Variants in ARID4B observed in about 807,000 individuals in gnomAD.
ARID4B encodes AT-rich interaction domain 4B.
A neutral mutation model predicts 147.5 loss-of-function variants in ARID4B; 26 were observed. That is an observed-to-expected ratio of 0.18 (90% CI 0.13 to 0.24). The LOEUF (loss-of-function observed/expected upper bound fraction) is 0.24, where lower values mean the gene tolerates loss of function less well. Among genes scored for constraint, ARID4B ranks in the 10% least tolerant of loss-of-function variants. ARID4B has a pLI of 1.00. For synonymous variants in ARID4B, 512 were observed against 507.9 expected (o/e 1.01, Z -0.11); for missense variants, 1,179 against 1,511.5 (o/e 0.78, Z 3.65).
At chr1:235,291,673 T>C (rs540446996) in intron 2 of ARID4B, among the ~76,000 whole-genome samples, 30 of 151,576 alleles carry the variant, frequency 2.0e-4, no homozygotes, top group Admixed American at 2.6e-4. Context: ...CCGTCTCTAC[T>C]AAAAAATACA....
intron 6 of ARID4B, among the ~76,000 whole-genome samples, chr1:235,250,580 C>T (rs1052048776): frequency 2.0e-5 from 3 of 152,266 alleles, no homozygotes; most frequent in Middle Eastern, 6.8e-3. Flanking sequence ...GCTTTTTCTC[C>T]TCCAACAGGG....
intron 2 of ARID4B, 68 bp from the exon 3 acceptor site, chr1:235,260,820 T>C (rs1670247148): frequency 2.8e-6 from 3 of 1,074,764 alleles, no homozygotes; most frequent in Middle Eastern, 2.0e-4. Flanking sequence ...GACCTCAGAA[T>C]AGTGAGCCTA....
chr1:235,229,956 C>T (rs1400815004), intron 10 of ARID4B, among the ~76,000 whole-genome samples: 1 of 152,160 alleles, frequency 6.6e-6, no homozygotes, highest in Non-Finnish European at 1.5e-5. Flanking sequence ...AACCAATCTA[C>T]ATAGCATATT....
intron 2 of ARID4B, among the ~76,000 whole-genome samples, chr1:235,290,834 C>T (rs1469169101): frequency 1.3e-5 from 2 of 152,202 alleles, no homozygotes; most frequent in Non-Finnish European, 1.5e-5. Context: ...TGGAGGCTTA[C>T]GCCTGTAATC....
chr1:235,175,447 T>C, intron 21 of ARID4B, 48 bp from the exon 22 acceptor site: 1 of 1,480,524 alleles, frequency 6.8e-7, no homozygotes, highest in Non-Finnish European at 9.4e-7. Flanking sequence ...AACAATAAAT[T>C]TGTCACAGAT....
chr1:235,260,526 T>TA, intron 3 of ARID4B, 116 bp downstream of exon 3: 1 of 644,474 alleles, frequency 1.6e-6, no homozygotes. Flanking sequence ...GAGGTATTTT[T>TA]ACAACCTTCA....
intron 2 of ARID4B, among the ~76,000 whole-genome samples, chr1:235,301,873 C>G (rs1572192926): frequency 1.3e-5 from 2 of 152,020 alleles, no homozygotes; most frequent in Middle Eastern, 3.4e-3. Context: ...TGCTACCACA[C>G]CCAGCTAATT....
chr1:235,215,102 C>T (rs1423410087), intron 16 of ARID4B, among the ~76,000 whole-genome samples: 3 of 152,060 alleles, frequency 2.0e-5, no homozygotes, highest in Non-Finnish European at 4.4e-5. Context: ...ACCGTGGCCT[C>T]CCAAAGTGCT....
chr1:235,198,886 G>A (rs911016233), intron 17 of ARID4B, among the ~76,000 whole-genome samples: 2 of 152,174 alleles, frequency 1.3e-5, no homozygotes, highest in Admixed American at 1.3e-4. Flanking sequence ...GATCACCTGA[G>A]GTCAGGAGTT....
chr1:235,199,330 T>C (rs939811272), intron 17 of ARID4B, among the ~76,000 whole-genome samples: 5 of 152,336 alleles, frequency 3.3e-5, no homozygotes, highest in Middle Eastern at 3.4e-3. Flanking sequence ...ATTTGTTTAA[T>C]TCAGGCCCTT....
At chr1:235,266,017 T>C (rs1173259970) in intron 2 of ARID4B, among the ~76,000 whole-genome samples, 1 of 152,204 alleles carries the variant, frequency 6.6e-6, no homozygotes, top group East Asian at 1.9e-4. Context: ...ATAGAGCAGA[T>C]GCCAATGTAA....
At chr1:235,169,218 T>C (rs1424752392) in intron 23 of ARID4B, among the ~76,000 whole-genome samples, 1 of 151,982 alleles carries the variant, frequency 6.6e-6, no homozygotes, top group Non-Finnish European at 1.5e-5. Flanking sequence ...TCTCTCACTG[T>C]TTCCTTTTTT....
intron 9 of ARID4B, among the ~76,000 whole-genome samples, chr1:235,231,425 C>T (rs919853314): frequency 6.6e-6 from 1 of 152,298 alleles, no homozygotes; most frequent in East Asian, 1.9e-4. Context: ...TTTATAAACA[C>T]CAACGTGTTC....
intron 2 of ARID4B, among the ~76,000 whole-genome samples, chr1:235,303,166 G>A (rs575113695): frequency 2.0e-5 from 3 of 151,818 alleles, no homozygotes; most frequent in South Asian, 4.2e-4. Flanking sequence ...CTTGTGATCC[G>A]CCTGCCTCGG....
chr1:235,206,765 C>A (rs1274021149), intron 17 of ARID4B, among the ~76,000 whole-genome samples: 1 of 152,078 alleles, frequency 6.6e-6, no homozygotes, highest in Non-Finnish European at 1.5e-5. Context: ...CTGGTAAGCA[C>A]AGTTGTGGAG....
chr1:235,169,785 CTGAG>C (rs1322538367), intron 23 of ARID4B, among the ~76,000 whole-genome samples: 1 of 151,982 alleles, frequency 6.6e-6, no homozygotes, highest in Non-Finnish European at 1.5e-5. Context: ...TCTCAGCCTC[CTGAG>C]TATCTGGGAT....
intron 7 of ARID4B, among the ~76,000 whole-genome samples, chr1:235,245,453 TA>T (rs1332197034): frequency 1.3e-5 from 2 of 152,088 alleles, no homozygotes; most frequent in Non-Finnish European, 2.9e-5. Context: ...ATGATGTGTA[TA>T]AAATCGTAAA....
chr1:235,215,542 T>C (rs557232509), intron 16 of ARID4B, among the ~76,000 whole-genome samples: 7 of 136,234 alleles, frequency 5.1e-5, no homozygotes, highest in African/African-American at 2.0e-4. Context: ...CATGCACACA[T>C]ATATATGTGT....
At chr1:235,240,602 A>T (rs1668921117) in intron 7 of ARID4B, 151 bp from the exon 8 acceptor site, 1 of 721,434 alleles carries the variant, frequency 1.4e-6, no homozygotes, top group African/African-American at 1.8e-5. Flanking sequence ...TAAATTTCTA[A>T]AAAATAACAG....
Sources: gnomAD v4.1 joint callset for allele counts (sites outside exome capture counted in the v4.1 genomes callset) on GRCh38, gnomAD v4.1.1 for gene constraint, MANE v1.5 for transcripts, NCBI Gene and HGNC (gene_info 2026-07-23, HGNC 2026-07-21) for gene names.